Variants in STPG2 observed in about 807,000 individuals in gnomAD.
STPG2 encodes the protein sperm tail PG-rich repeat containing 2, also known as sperm-tail PG-rich repeat-containing protein 2.
STPG2 carries 56 observed loss-of-function variants against 54.2 expected under a neutral mutation model. The observed-to-expected ratio is 1.03, with a 90% CI of 0.83 to 1.29. STPG2 has a LOEUF of 1.29. Ranked by LOEUF, STPG2 falls within the 50% of genes most tolerant of loss-of-function variation. STPG2 has a pLI of 0.00. For synonymous variants in STPG2, 200 were observed against 181.8 expected, an observed-to-expected ratio of 1.10 and a Z score of -0.81; for missense variants, 596 against 544.9, an observed-to-expected ratio of 1.09 and a Z score of -0.93.
At chr4:98,107,328 A>G (rs1739216536) in intron 4 of STPG2, among the ~76,000 whole-genome samples, 1 of 142,012 alleles carries the variant, frequency 7.0e-6, no homozygotes, top group Admixed American at 7.0e-5. Flanking sequence ...AGTAGAAAAT[A>G]TCAACTGCCA....
At chr4:97,788,922 T>C (rs1050127063) in intron 9 of STPG2, among the ~76,000 whole-genome samples, 1 of 152,106 alleles carries the variant, frequency 6.6e-6, no homozygotes, top group East Asian at 1.9e-4. Context: ...AAATAAAGAA[T>C]TAACAATTTT....
At chr4:97,790,531 T>C (rs759811304) in intron 9 of STPG2, among the ~76,000 whole-genome samples, 1 of 152,116 alleles carries the variant, frequency 6.6e-6, no homozygotes, top group Non-Finnish European at 1.5e-5. Context: ...CAGGATTGAG[T>C]TCCATGAAGA....
chr4:98,002,651 G>C (rs868576171), intron 5 of STPG2, among the ~76,000 whole-genome samples: 1 of 151,860 alleles, frequency 6.6e-6, no homozygotes, highest in Non-Finnish European at 1.5e-5. Flanking sequence ...ATGGATGTAG[G>C]GTCAAGAAAA....
chr4:97,460,071 TTAAC>T (rs1729624063), intron 4 of STPG2, among the ~76,000 whole-genome samples: 1 of 152,150 alleles, frequency 6.6e-6, no homozygotes, highest in African/African-American at 2.4e-5. Flanking sequence ...GAATTATAGT[TTAAC>T]TACAGAGAAT....
intron 10 of STPG2, among the ~76,000 whole-genome samples, chr4:97,617,991 AAAGT>A (rs1733917348): frequency 6.6e-6 from 1 of 152,194 alleles, no homozygotes; most frequent in South Asian, 2.1e-4. Context: ...CTTATCAACC[AAAGT>A]AAGTAACCCT....
intron 9 of STPG2, among the ~76,000 whole-genome samples, chr4:97,782,944 G>C (rs867735289): frequency 2.0e-5 from 3 of 152,168 alleles, no homozygotes; most frequent in Non-Finnish European, 4.4e-5. Context: ...ATGGATTAAA[G>C]ACTTCAATGT....
chr4:97,689,704 TAAAC>T (rs1175838141), intron 10 of STPG2, among the ~76,000 whole-genome samples: 4 of 152,142 alleles, frequency 2.6e-5, no homozygotes, highest in African/African-American at 9.6e-5. Flanking sequence ...CTGTTCATAA[TAAAC>T]AACCTTTAAG....
intron 10 of STPG2, among the ~76,000 whole-genome samples, chr4:97,564,270 G>A (rs895734104): frequency 2.6e-5 from 4 of 151,026 alleles, no homozygotes. Context: ...GCCTTTTTTT[G>A]TTTTCCACTT....
intron 9 of STPG2, among the ~76,000 whole-genome samples, chr4:97,769,119 A>T (rs1296465662): frequency 6.6e-6 from 1 of 152,212 alleles, no homozygotes; most frequent in African/African-American, 2.4e-5. Context: ...CTGAGAACTC[A>T]GTTTCCAAGG....
intron 10 of STPG2, among the ~76,000 whole-genome samples, chr4:97,675,760 A>T (rs1722818944): frequency 6.6e-6 from 1 of 151,606 alleles, no homozygotes; most frequent in Non-Finnish European, 1.5e-5. Flanking sequence ...AGTGGCCACA[A>T]ACTTAAAGAC....
chr4:97,988,950 T>C (rs1734913278), intron 5 of STPG2, among the ~76,000 whole-genome samples: 1 of 152,186 alleles, frequency 6.6e-6, no homozygotes, highest in African/African-American at 2.4e-5. Context: ...GTAAATCCTA[T>C]GTATTTTTTT....
At chr4:97,831,110 C>G (rs943466359) in intron 9 of STPG2, among the ~76,000 whole-genome samples, 4 of 152,016 alleles carry the variant, frequency 2.6e-5, no homozygotes, top group Non-Finnish European at 4.4e-5. Flanking sequence ...TAAAATTGAC[C>G]ACATAATTGG....
chr4:98,071,341 G>T (rs1737996464), intron 5 of STPG2, among the ~76,000 whole-genome samples: 1 of 152,116 alleles, frequency 6.6e-6, no homozygotes, highest in Non-Finnish European at 1.5e-5. Flanking sequence ...TTAATAAATG[G>T]TGCTGGGAGA....
intron 5 of STPG2, among the ~76,000 whole-genome samples, chr4:98,059,424 TA>T (rs1252697203): frequency 3.3e-5 from 5 of 151,058 alleles, no homozygotes; most frequent in South Asian, 4.2e-4. Context: ...AGCCTACCAA[TA>T]AAAAAAAGCT....
At chr4:97,978,577 T>C (rs532185271) in intron 6 of STPG2, among the ~76,000 whole-genome samples, 29 of 152,140 alleles carry the variant, frequency 1.9e-4, no homozygotes, top group African/African-American at 7.0e-4. Context: ...TAATATCTGG[T>C]GATGAAACAG....
chr4:98,029,681 T>C (rs1736533740), intron 5 of STPG2, among the ~76,000 whole-genome samples: 1 of 152,208 alleles, frequency 6.6e-6, no homozygotes. Flanking sequence ...TTGCGTGCTC[T>C]TATTCTCATA....
At position 97,460,999 on chromosome 4, in the gene STPG2, T is replaced by G. The variant is rs188332940; in HGVS notation, c.462+251700A>C. On this transcript the variant is annotated intron_variant, in intron 4 of 4. Coordinates refer to the STPG2 transcript ENST00000522676. ...ATTTTATAAATACACCACAATGTAT[T>G]TTATCCACTCTATTTCTGATGGCCA... Among the ~76,000 whole-genome samples the G allele has an allele frequency of 1.1e-3, 163 of 152,332 alleles. 1 individual carries two copies. Among genetic ancestry groups the G allele is most frequent in the African/African-American group, 3.2e-3 (135 of 41,574 alleles).
intron 7 of STPG2, 91 bp downstream of exon 7, chr4:97,972,189 C>T: frequency 1.1e-6 from 1 of 870,170 alleles, no homozygotes; most frequent in Non-Finnish European, 1.7e-6. Flanking sequence ...ATTTGACATC[C>T]TTTTCTATTA....
chr4:97,510,645 G>T (rs1407151210), intron 4 of STPG2, among the ~76,000 whole-genome samples: 1 of 152,076 alleles, frequency 6.6e-6, no homozygotes, highest in Non-Finnish European at 1.5e-5. Flanking sequence ...GGATGAAACT[G>T]TTCCACCTTG....
Sources: allele counts gnomAD v4.1 joint callset (sites outside exome capture counted in the v4.1 genomes callset), GRCh38; gene constraint gnomAD v4.1.1; transcripts MANE v1.5; gene names NCBI Gene and HGNC (gene_info 2026-07-23, HGNC 2026-07-21).